SIDT1: variants seen among roughly 807,000 people sequenced by gnomAD.
SIDT1 encodes the protein SID1 transmembrane family, member 1.
SIDT1 carries 101 observed loss-of-function variants against 107.5 expected under a neutral mutation model. The observed-to-expected ratio is 0.94, with a 90% CI of 0.80 to 1.11. The LOEUF (loss-of-function observed/expected upper bound fraction) is 1.11. Among genes scored for constraint, SIDT1 ranks in the 50% least tolerant of loss-of-function variants. The pLI, the probability that SIDT1 is intolerant of heterozygous loss-of-function variation, is 0.00. For synonymous variants in SIDT1, 395 were observed against 398.2 expected (o/e 0.99, Z 0.10); for missense variants, 1,076 against 1,058.2 (o/e 1.02, Z -0.23).
downstream of SIDT1, among the ~76,000 whole-genome samples, chr3:113,630,320 G>A (rs190443186): frequency 1.3e-4 from 20 of 152,276 alleles, no homozygotes; most frequent in African/African-American, 4.6e-4. Context: ...TGCTGGAGAA[G>A]CAGCCCCACC....
chr3:113,577,828 TAAG>T (rs1943023081), intron 4 of SIDT1, among the ~76,000 whole-genome samples: 2 of 152,232 alleles, frequency 1.3e-5, no homozygotes, highest in African/African-American at 2.4e-5. Context: ...GGTAAATAGT[TAAG>T]AACTGGTTCT....
At chr3:113,634,804 GA>G in the SIDT1 span, among the ~76,000 whole-genome samples, 1 of 149,370 alleles carries the variant, frequency 6.7e-6, no homozygotes, top group African/African-American at 2.6e-5. Context: ...GCTCCATCTC[GA>G]AAAAAATACA....
Position 113,626,144 on chromosome 3 carries a change from C to T in SIDT1, c.2350C>T (p.Leu784=), listed in dbSNP as rs1946834696. 6.2e-7 allele frequency: 1 copy of T among 1,614,178 alleles called. No individual in the cohort carries two copies. ...CCGGGAGAAGAACCGCGAGTGCATT[C>T]TGCTGGATTTCTTCGATGACCATGA... is the stretch of plus-strand genomic sequence containing the variant. The part of the protein sequence containing the change: ...ESREKNRECI[L]LDFFDDHDIW... Residue 784 remains leucine (L), a synonymous_variant, in exon 24 of 25, where the codon CTG becomes TTG. Transcript: ENST00000264852.
chr3:113,607,104 G>A lies in SIDT1; in HGVS notation c.1468G>A (p.Gly490Ser). Residue 490 changes from glycine (G) to serine (S), a missense_variant, in exon 15 of 25, where the codon GGC (glycine) becomes AGC (serine). By Grantham distance (56) the Gly-to-Ser change is moderately conservative (BLOSUM62 0). Coordinates refer to ENST00000264852, the MANE Select transcript of SIDT1 (RefSeq NM_017699.3). ...YYNFLCAHPL[G>S]VLSAFNNILS... ...CAACTTCCTCTGTGCTCACCCCTTG[G>A]GCGTCCTGAGGTAAACCCAGTCCTC... 6.2e-7 allele frequency: 1 copy of A among 1,610,304 alleles called. No individual in the cohort carries two copies. Among genetic ancestry groups the A allele is most frequent in the Non-Finnish European group, 8.5e-7 (1 of 1,176,760 alleles).
At chr3:113,566,617 C>A in intron 2 of SIDT1, 76 bp downstream of exon 2, 1 of 1,504,220 alleles carries the variant, frequency 6.6e-7, no homozygotes, top group Non-Finnish European at 9.0e-7. Context: ...TGGTCTTTTC[C>A]CTATTGAAAG....
intron 1 of SIDT1, among the ~76,000 whole-genome samples, chr3:113,560,197 T>C (rs1253419214): frequency 7.9e-5 from 12 of 152,112 alleles, no homozygotes; most frequent in Non-Finnish European, 1.6e-4. Flanking sequence ...GGAGGTCTTA[T>C]GCATCAAGCA....
At chr3:113,568,994 G>A (rs1942190898) in intron 3 of SIDT1, among the ~76,000 whole-genome samples, 1 of 151,820 alleles carries the variant, frequency 6.6e-6, no homozygotes, top group South Asian at 2.1e-4. Context: ...AAAAAAATTA[G>A]CTGGGCATGG....
intron 9 of SIDT1, among the ~76,000 whole-genome samples, chr3:113,589,082 A>C (rs1943953415): frequency 6.6e-6 from 1 of 152,340 alleles, no homozygotes; most frequent in East Asian, 1.9e-4. Context: ...GGCCTCTTGA[A>C]GATGCAGATT....
downstream of SIDT1, chr3:113,632,613 C>T (rs1291991792): frequency 6.6e-6 from 1 of 152,168 alleles, no homozygotes; most frequent in Non-Finnish European, 1.5e-5. Flanking sequence ...ATCAGAAATA[C>T]ACCTTTAGTA....
chr3:113,566,717 C>T (rs958904390), intron 2 of SIDT1, among the ~76,000 whole-genome samples, 176 bp downstream of exon 2: 4 of 152,168 alleles, frequency 2.6e-5, no homozygotes, highest in African/African-American at 9.7e-5. Context: ...TCGCTCTGTT[C>T]AATTATTAGA....
chr3:113,594,146 C>A (rs776244142), intron 10 of SIDT1, among the ~76,000 whole-genome samples: 2 of 152,160 alleles, frequency 1.3e-5, no homozygotes, highest in African/African-American at 4.8e-5. Context: ...CCCCTACCCC[C>A]CTCCAGCAGG....
intron 1 of SIDT1, 107 bp downstream of exon 1, chr3:113,533,350 C>G (rs1200484149): frequency 2.3e-6 from 2 of 876,802 alleles, no homozygotes; most frequent in African/African-American, 1.8e-5. Flanking sequence ...CTTCGGGGAC[C>G]AGGGGACTTT....
chr3:113,599,415 T>C (rs1944800190), intron 10 of SIDT1, among the ~76,000 whole-genome samples: 1 of 152,268 alleles, frequency 6.6e-6, no homozygotes, highest in Non-Finnish European at 1.5e-5. Context: ...TCTTTGTCTC[T>C]TTAGAAAGGT....
At chr3:113,633,138 G>A (rs1365656370), downstream of SIDT1, 1 of 152,096 alleles carries the variant, frequency 6.6e-6, no homozygotes, top group Non-Finnish European at 1.5e-5. Context: ...GGTTCTGGAG[G>A]CCTCCCTAAG....
At chr3:113,569,013 G>T (rs530655712) in intron 3 of SIDT1, among the ~76,000 whole-genome samples, 1 of 151,680 alleles carries the variant, frequency 6.6e-6, no homozygotes, top group African/African-American at 2.4e-5. Flanking sequence ...GGTGGCAGGC[G>T]CCTGTTGTCC....
chr3:113,601,622 T>A lies in SIDT1; in HGVS notation c.1080T>A (p.Ala360=). Residue 360 remains alanine (A), a synonymous_variant, in exon 11 of 25, where the codon GCT becomes GCA. Transcript: ENST00000264852. ...ATATGGTGGCATCTCATCCCATTGC[T>A]GCCAGCACACCCGAAGGGAGCAATT... ...SGNMVASHPI[A]ASTPEGSNYG... 6.2e-7 allele frequency: 1 copy of A among 1,614,092 alleles called. No individual in the cohort carries two copies. Among genetic ancestry groups the A allele is most frequent in the South Asian group, 1.1e-5 (1 of 91,080 alleles).
chr3:113,560,117 C>T lies in SIDT1; in HGVS notation c.223-6303C>T, dbSNP rs56706431. Reference sequence around the variant, plus strand: ...GTCTATCTCAGGCTCCTCCTCTGTACGTGGGATGGTTGGAGTAGATGGTCT... The same window carrying T: ...GTCTATCTCAGGCTCCTCCTCTGTATGTGGGATGGTTGGAGTAGATGGTCT... On this transcript the variant is annotated intron_variant, in intron 1 of 24. Coordinates refer to ENST00000264852, the MANE Select transcript of SIDT1 (RefSeq NM_017699.3). Among the ~76,000 whole-genome samples the T allele has an allele frequency of 7.7e-3, 1,169 of 152,158 alleles. 15 individuals carry two copies. The highest frequency in any genetic ancestry group is 0.026 in the African/African-American group (1,092 of 41,526).
intron 23 of SIDT1, among the ~76,000 whole-genome samples, chr3:113,625,218 C>A (rs1315030296): frequency 6.6e-6 from 1 of 152,062 alleles, no homozygotes; most frequent in Non-Finnish European, 1.5e-5. Flanking sequence ...CTCACTGCAA[C>A]CTCCACCTCC....
chr3:113,616,585 G>T (rs1368954504), intron 20 of SIDT1, among the ~76,000 whole-genome samples: 1 of 152,040 alleles, frequency 6.6e-6, no homozygotes, highest in African/African-American at 2.4e-5. Context: ...GGGATGATCT[G>T]TGTAGCAAAA....
Sources: allele counts gnomAD v4.1 joint callset (sites outside exome capture counted in the v4.1 genomes callset), GRCh38; gene constraint gnomAD v4.1.1; transcripts MANE v1.5; gene names NCBI Gene and HGNC (gene_info 2026-07-23, HGNC 2026-07-21).